The following PTCD3 variants were observed in gnomAD, a reference collection of about 807,000 sequenced individuals.
PTCD3 encodes small ribosomal subunit protein mS39.
Under a neutral mutation model 101.9 loss-of-function variants are expected in PTCD3, and 89 were observed. That is an observed-to-expected ratio of 0.87 (90% CI 0.74 to 1.04). The LOEUF (loss-of-function observed/expected upper bound fraction) is 1.04, where lower values mean the gene tolerates loss of function less well. Ranked by LOEUF, PTCD3 falls within the 50% of genes least tolerant of loss-of-function variation. The pLI is 0.00. For missense variants in PTCD3, 870 were observed against 828.2 expected, an observed-to-expected ratio of 1.05 and a Z score of -0.62; for synonymous variants, 296 against 278.5, an observed-to-expected ratio of 1.06 and a Z score of -0.63.
At chr2:86,125,413 TA>T in intron 10 of PTCD3, 41 bp from the exon 11 acceptor site, 1 of 1,571,740 alleles carries the variant, frequency 6.4e-7, no homozygotes, top group African/African-American at 1.4e-5. Context: ...AAGGACTTCT[TA>T]AGTAAATGAA....
intron 16 of PTCD3, 128 bp from the exon 17 acceptor site, chr2:86,132,190 T>G (rs749962395): frequency 2.1e-5 from 12 of 570,986 alleles, no homozygotes; most frequent in Non-Finnish European, 3.1e-5. Context: ...TCTTATAACT[T>G]ACTTGCTGTC....
At chr2:86,126,021 G>A (rs898230454) in intron 12 of PTCD3, 141 bp downstream of exon 12, 2 of 549,764 alleles carry the variant, frequency 3.6e-6, no homozygotes, top group Non-Finnish European at 6.6e-6. Context: ...CCTGAGGCCA[G>A]GAGTTGGAGA....
intron 12 of PTCD3, 94 bp downstream of exon 12, chr2:86,125,974 A>AAT (rs1174675701): frequency 4.7e-6 from 4 of 847,446 alleles, no homozygotes; most frequent in Non-Finnish European, 7.4e-6. Context: ...TCAAACCTGT[A>AAT]ATACCAGCAC....
rs764764037 is a variant in PTCD3, at chr2:86,124,997, C to CA, written c.725dup (p.Asn242LysfsTer4). ...CACATTTACTCTCTTGTGTCTAGAG[C>CA]AAAAAACAACGCTGAGAGAATCTTT... is the stretch of plus-strand genomic sequence containing the variant. On this transcript the variant is annotated frameshift_variant, in exon 10 of 24. Coordinates refer to ENST00000254630, the MANE Select transcript of PTCD3 (RefSeq NM_017952.6). LOFTEE classifies it high-confidence loss of function. The CA allele has an allele frequency of 8.1e-6, 13 of 1,613,634 alleles. No homozygotes were observed. In the East Asian group the frequency reaches 2.7e-4, roughly 33 times the overall value.
intron 12 of PTCD3, among the ~76,000 whole-genome samples, chr2:86,126,736 C>T (rs966519219): frequency 2.0e-5 from 3 of 151,560 alleles, no homozygotes; most frequent in African/African-American, 7.3e-5. Context: ...ACTCAGGAGG[C>T]TGAGGCAGGA....
At position 86,135,304 on chromosome 2, in the gene PTCD3, A is replaced by T. The variant is rs548992327; in HGVS notation, c.1778+317A>T. The stretch of plus-strand genomic sequence containing the variant: ...AAGAAATATATGATCAAAGAAACGT[A>T]GTTTTGAAAATGGTTTGGTCATTTG... On this transcript the variant is annotated intron_variant, in intron 21 of 23. Transcript: ENST00000254630. 14 of 203,398 alleles carry T rather than the reference A, an allele frequency of 6.9e-5. No individual in the cohort carries two copies. In the East Asian group the frequency reaches 1.6e-3, roughly 23 times the overall value. 12.6% of individuals were successfully genotyped at this position (203,398 alleles called of 1,614,324 possible).
intron 19 of PTCD3, 96 bp downstream of exon 19, chr2:86,133,532 TC>T (rs1443625561): frequency 1.3e-5 from 16 of 1,223,474 alleles, no homozygotes; most frequent in Admixed American, 1.2e-4. Flanking sequence ...GATGAAAACT[TC>T]CATTTTGACT....
chr2:86,137,622 G>A lies in PTCD3; in HGVS notation c.*63G>A. ...GCTGCTGGAATCACACCTGAGAACTGAGATATACCAATATTTAACATTGTT... is the reference window on the plus strand; with the variant it reads ...GCTGCTGGAATCACACCTGAGAACTAAGATATACCAATATTTAACATTGTT... On this transcript the variant is annotated 3_prime_UTR_variant, in exon 24 of 24. Coordinates refer to ENST00000254630, the MANE Select transcript of PTCD3 (RefSeq NM_017952.6). 6.2e-7 allele frequency: 1 copy of A among 1,602,670 alleles called. No individual in the cohort carries two copies. Among genetic ancestry groups the A allele is most frequent in the Non-Finnish European group, 8.5e-7 (1 of 1,174,720 alleles).
rs1674373146 is a variant in PTCD3 at position 86,125,817 on chromosome 2, A to G, written c.888A>G (p.Ala296=). The change falls in exon 12 of 24, where the codon GCA becomes GCG. Residue 296 remains alanine, a synonymous_variant. Transcript: ENST00000254630. Reference sequence around the variant, plus strand: ...CAGCTGATGTATACACATTTAATGCATTGATTGAAGCAACAGTATGTGCGA... The same window carrying G: ...CAGCTGATGTATACACATTTAATGCGTTGATTGAAGCAACAGTATGTGCGA... ...RLHADVYTFN[A]LIEATVCAIN... 1 of 1,608,844 alleles carries G rather than the reference A, an allele frequency of 6.2e-7. No individual in the cohort carries two copies. The highest frequency in any genetic ancestry group is 1.3e-5 in the African/African-American group (1 of 74,948).
Position 86,116,615 on chromosome 2 carries a change from A to G in PTCD3, c.309+17A>G, listed in dbSNP as rs1674183155. ...TTGGAATCTGTGAGTATTTTCATATAATTTTCTAGTGTTTTATCTCTCTGG... is the reference window on the plus strand; with the variant it reads ...TTGGAATCTGTGAGTATTTTCATATGATTTTCTAGTGTTTTATCTCTCTGG... On this transcript the variant is annotated intron_variant, in intron 5 of 23. Transcript: ENST00000254630. 1.3e-6 allele frequency: 2 copies of G among 1,575,244 alleles called. No individual in the cohort carries two copies. Among genetic ancestry groups the G allele is most frequent in the Non-Finnish European group, 1.7e-6 (2 of 1,144,976 alleles).
At chr2:86,107,328 A>G (rs1673976829) in intron 1 of PTCD3, 1 of 412,516 alleles carries the variant, frequency 2.4e-6, no homozygotes, top group South Asian at 1.8e-5. Context: ...GTGACTTGAA[A>G]GAGTTGATCT....
intron 2 of PTCD3, 30 bp downstream of exon 2, chr2:86,108,432 T>C: frequency 1.9e-6 from 3 of 1,593,928 alleles, no homozygotes; most frequent in Non-Finnish European, 2.6e-6. Context: ...GAATTCTATT[T>C]TTATATCAAC....
In PTCD3 at chr2:86,106,432, G is replaced by T. The variant is rs1373938344; in HGVS notation, c.104+81G>T. The T allele has an allele frequency of 2.8e-6, 4 of 1,437,546 alleles. No homozygotes were observed. In the African/African-American group the frequency reaches 4.3e-5, roughly 15 times the overall value. 89.0% of individuals were successfully genotyped at this position (1,437,546 alleles called of 1,614,324 possible). A position where few individuals can be genotyped will look rare whatever the true frequency, so the allele number is the denominator to read the frequency against. ...GTTTCCCAGCTGGCTGTGGAAGTAG[G>T]CACGATGAAATGGTTTGCTCATGCG... On this transcript the variant is annotated intron_variant, in intron 1 of 23. Transcript: ENST00000254630.
In PTCD3 at chr2:86,140,597, A is replaced by AT. The variant is rs1242965640; in HGVS notation, c.*3039dup. ...GGAAATTGAGTCACTAGGAGCATGG[A>AT]TGTATAAGGCAGGTTTTATACAACC... On this transcript the variant is annotated 3_prime_UTR_variant, in exon 24 of 24. Transcript: ENST00000254630. 1 of 152,204 alleles carries AT rather than the reference A, an allele frequency of 6.6e-6. No individual in the cohort carries two copies. The highest frequency in any genetic ancestry group is 6.5e-5 in the Admixed American group (1 of 15,278). 9.4% of individuals were successfully genotyped at this position (152,204 alleles called of 1,614,324 possible).
Position 86,116,555 on chromosome 2 carries a change from T to C in PTCD3, c.266T>C (p.Phe89Ser). 1 of 1,610,594 alleles carries C rather than the reference T, an allele frequency of 6.2e-7. No homozygotes were observed. The highest frequency in any genetic ancestry group is 8.5e-7 in the Non-Finnish European group (1 of 1,176,800). The change falls in exon 5 of 24, where the codon TTT becomes TCT. Residue 89 changes from phenylalanine (F) to serine (S), a missense_variant. Physicochemically the swap from Phe to Ser is radical, Grantham distance 155. Transcript: ENST00000254630. ...NRDTTAVPYV[F>S]QDDPYLMPAS... ...GATACCACAGCTGTGCCTTATGTGTTTCAAGATGATCCTTACCTTATGCCA... is the reference window on the plus strand; with the variant it reads ...GATACCACAGCTGTGCCTTATGTGTCTCAAGATGATCCTTACCTTATGCCA...
rs34866009 is a variant in PTCD3 at position 86,130,651 on chromosome 2, A to G, written c.1151A>G (p.Asp384Gly). 2,064 of 1,607,554 alleles carry G rather than the reference A, an allele frequency of 1.3e-3. 22 individuals are homozygous for G. The African/African-American group carries it at 0.023, about 18-fold the overall frequency. The change falls in exon 15 of 24, where the codon GAC becomes GGC. Residue 384 changes from aspartate (D) to glycine (G), a missense_variant. By Grantham distance (94) the Asp-to-Gly change is moderately conservative. Transcript: ENST00000254630. The stretch of plus-strand genomic sequence containing the variant: ...CATTTGCTTTCTTGTTCTGCAGGAG[A>G]CCCTTTAAAGAGATCATCCTTCATC... ...HIIRLFDQPG[D>G]PLKRSSFIIY...
chr2:86,123,196 A>C (rs968041240), intron 8 of PTCD3, among the ~76,000 whole-genome samples: 1 of 149,958 alleles, frequency 6.7e-6, no homozygotes, highest in Non-Finnish European at 1.5e-5. Context: ...CAGGAGGTGG[A>C]GGTTGCAGTG....
chr2:86,123,541 A>G (rs1025104), intron 8 of PTCD3, among the ~76,000 whole-genome samples, 160 bp from the exon 9 acceptor site: 98,766 of 152,142 alleles, frequency 0.65, 38,221 homozygotes, highest in Non-Finnish European at 0.84. Context: ...AATTAACTGT[A>G]TAGGTGTAAG....
chr2:86,111,244 A>C, intron 4 of PTCD3, 86 bp downstream of exon 4: 8 of 1,131,056 alleles, frequency 7.1e-6, no homozygotes, highest in Non-Finnish European at 1.1e-5. Flanking sequence ...TTTAATACTC[A>C]TACCTCGTCA....
Sources: allele counts gnomAD v4.1 joint callset (sites outside exome capture counted in the v4.1 genomes callset), GRCh38; gene constraint gnomAD v4.1.1; transcripts MANE v1.5; gene names NCBI Gene and HGNC (gene_info 2026-07-23, HGNC 2026-07-21).